FAT3: variants seen among roughly 807,000 people sequenced by gnomAD.
The protein encoded by FAT3 is protocadherin Fat 3.
In FAT3, 95 loss-of-function variants were observed where a neutral mutation model predicts 310.2. The observed-to-expected ratio is 0.31, with a 90% CI of 0.26 to 0.36. The LOEUF (loss-of-function observed/expected upper bound fraction) is 0.36, where lower values mean the gene tolerates loss of function less well. Among genes scored for constraint, FAT3 ranks in the 10% least tolerant of loss-of-function variants. FAT3 has a pLI of 1.00. For synonymous variants in FAT3, 2,314 were observed against 2,192.9 expected (o/e 1.06, Z -1.54); for missense variants, 5,408 against 5,715.6 (o/e 0.95, Z 1.74).
intron 3 of FAT3, among the ~76,000 whole-genome samples, chr11:92,608,980 G>A (rs549990069): frequency 6.6e-6 from 1 of 152,292 alleles, no homozygotes; most frequent in African/African-American, 2.4e-5. Flanking sequence ...ATAAACAGGA[G>A]TCTTTCTCAG....
intron 2 of FAT3, among the ~76,000 whole-genome samples, chr11:92,472,579 ATAAT>A (rs1450822466): frequency 6.6e-6 from 1 of 152,202 alleles, no homozygotes; most frequent in African/African-American, 2.4e-5. Flanking sequence ...AGCTAAGATA[ATAAT>A]TCAAGTCGAC....
intron 3 of FAT3, among the ~76,000 whole-genome samples, chr11:92,618,494 G>T (rs887470680): frequency 6.6e-6 from 1 of 152,240 alleles, no homozygotes; most frequent in South Asian, 2.1e-4. Flanking sequence ...TGTCCGACAA[G>T]CCCCAGTGAG....
chr11:92,729,330 C>T (rs767600015), intron 4 of FAT3, among the ~76,000 whole-genome samples: 1 of 151,978 alleles, frequency 6.6e-6, no homozygotes, highest in African/African-American at 2.4e-5. Flanking sequence ...TATTTTTTCA[C>T]ATCAGATGGG....
At chr11:92,609,296 G>A (rs1940454831) in intron 3 of FAT3, among the ~76,000 whole-genome samples, 2 of 152,160 alleles carry the variant, frequency 1.3e-5, no homozygotes, top group Admixed American at 1.3e-4. Flanking sequence ...GCTTACAGAG[G>A]CTCAAAATGG....
chr11:92,856,283 C>T (rs1184497202), intron 19 of FAT3, among the ~76,000 whole-genome samples: 3 of 152,132 alleles, frequency 2.0e-5, no homozygotes, highest in African/African-American at 7.2e-5. Context: ...TTAGGCTATG[C>T]CTAACTGATT....
At chr11:92,473,623 T>G (rs1951968970) in intron 2 of FAT3, among the ~76,000 whole-genome samples, 1 of 152,158 alleles carries the variant, frequency 6.6e-6, no homozygotes, top group African/African-American at 2.4e-5. Flanking sequence ...GTTTGATAAA[T>G]CTCTCCCAAT....
rs1321362268 is a variant in FAT3 at position 92,732,109 on chromosome 11, A to G, written c.3670-29747A>G. 2.0e-5 allele frequency among the ~76,000 whole-genome samples: 3 copies of G among 152,176 alleles called. No individual in the cohort carries two copies. The East Asian group carries it at 5.8e-4, about 29-fold the overall frequency. ...GGATATTTTTTTATTCATTAAATTT[A>G]CTAATTTACTCACATCAATTTACTA... is the stretch of plus-strand genomic sequence containing the variant. On this transcript the variant is annotated intron_variant, in intron 4 of 27. Coordinates refer to ENST00000525166, the MANE Select transcript of FAT3 (RefSeq NM_001367949.2).
chr11:92,507,064 C>A (rs1291726190), intron 2 of FAT3, among the ~76,000 whole-genome samples: 1 of 152,132 alleles, frequency 6.6e-6, no homozygotes, highest in Non-Finnish European at 1.5e-5. Context: ...CTTCTGTTTT[C>A]TTGTCAAAGC....
intron 3 of FAT3, among the ~76,000 whole-genome samples, chr11:92,671,410 C>T (rs1242083230): frequency 6.6e-6 from 1 of 152,026 alleles, no homozygotes; most frequent in East Asian, 1.9e-4. Flanking sequence ...AATTTGTCAC[C>T]ATAATTCATT....
intron 2 of FAT3, among the ~76,000 whole-genome samples, chr11:92,482,604 A>C (rs1481074308): frequency 6.6e-6 from 1 of 152,052 alleles, no homozygotes; most frequent in Non-Finnish European, 1.5e-5. Flanking sequence ...CACAATTAGA[A>C]TTGCTCCATC....
chr11:92,455,803 T>C (rs939809938), intron 2 of FAT3, among the ~76,000 whole-genome samples: 2 of 152,212 alleles, frequency 1.3e-5, no homozygotes, highest in Non-Finnish European at 2.9e-5. Flanking sequence ...TGATGCAAAC[T>C]ATTAGCCCAA....
At chr11:92,373,464 A>G (rs561346216) in intron 2 of FAT3, among the ~76,000 whole-genome samples, 18 of 152,270 alleles carry the variant, frequency 1.2e-4, no homozygotes, top group Admixed American at 3.3e-4. Flanking sequence ...TGGAGTAGGT[A>G]TGTTTGGATC....
At position 92,279,457 on chromosome 11, in the gene FAT3, C is replaced by A. The variant is rs573041235; in HGVS notation, c.-18+54283C>A. Reference sequence around the variant, plus strand: ...TATTGAACACATGTTATGTATCATTCATTTACTTTTCTAAGTGCTTCACAT... The same window carrying A: ...TATTGAACACATGTTATGTATCATTAATTTACTTTTCTAAGTGCTTCACAT... On this transcript the variant is annotated intron_variant, in intron 1 of 27. Coordinates refer to ENST00000525166, the MANE Select transcript of FAT3 (RefSeq NM_001367949.2). Among the ~76,000 whole-genome samples, 18 of 152,218 alleles carry A rather than the reference C, an allele frequency of 1.2e-4. No individual in the cohort carries two copies. The South Asian group carries it at 3.5e-3, about 30-fold the overall frequency.
chr11:92,316,266 T>A (rs1043277222), intron 1 of FAT3, among the ~76,000 whole-genome samples: 4 of 152,066 alleles, frequency 2.6e-5, no homozygotes, highest in African/African-American at 9.7e-5. Context: ...GCGCAGTAAA[T>A]ACAGAAGGTT....
chr11:92,742,561 T>G (rs775921569), intron 4 of FAT3, among the ~76,000 whole-genome samples: 14 of 152,182 alleles, frequency 9.2e-5, no homozygotes, highest in Non-Finnish European at 1.9e-4. Flanking sequence ...AAGAGGTGAT[T>G]AGGTTAGAGG....
Position 92,792,860 on chromosome 11 carries a change from C to A in FAT3, c.4705C>A (p.Pro1569Thr). 6.2e-7 allele frequency: 1 copy of A among 1,613,780 alleles called. No homozygotes were observed. ...ANDHSPYFTN[P>T]LYEASVFESA... The stretch of plus-strand genomic sequence containing the variant: ...TGATCACAGTCCTTATTTTACCAAC[C>A]CACTGTATGAAGCGTCTGTGTTTGA... Residue 1569 changes from proline to threonine, a missense_variant, in exon 9 of 28, where the codon CCA (proline) becomes ACA (threonine). This residue lies in a region of FAT3 where 4,588 missense variants were observed against 4,809.8 expected (regional missense o/e 0.95). Transcript: ENST00000525166.
intron 3 of FAT3, among the ~76,000 whole-genome samples, chr11:92,610,927 G>C (rs943074590): frequency 6.6e-6 from 1 of 152,074 alleles, no homozygotes; most frequent in African/African-American, 2.4e-5. Context: ...AACCCATTTA[G>C]TGTTTATAGG....
At chr11:92,551,775 T>C (rs1954830764) in intron 3 of FAT3, among the ~76,000 whole-genome samples, 1 of 152,174 alleles carries the variant, frequency 6.6e-6, no homozygotes, top group Admixed American at 6.5e-5. Flanking sequence ...CTCAAGTGTT[T>C]TGTGTTTCAA....
chr11:92,424,594 G>C (rs1037578745), intron 2 of FAT3, among the ~76,000 whole-genome samples: 1 of 152,170 alleles, frequency 6.6e-6, no homozygotes, highest in African/African-American at 2.4e-5. Flanking sequence ...GACTGCAATA[G>C]AGTGGCTGCT....
Sources: gnomAD v4.1 joint callset for allele counts (sites outside exome capture counted in the v4.1 genomes callset) on GRCh38, gnomAD v4.1.1 for gene constraint, gnomAD v4.1.1 regional missense constraint, MANE v1.5 for transcripts, NCBI Gene and HGNC (gene_info 2026-07-23, HGNC 2026-07-21) for gene names.